The following RGS20 variants were observed in gnomAD, a reference collection of about 807,000 sequenced individuals.
RGS20 encodes the protein regulator of G protein signaling 20, also known as gz-selective GTPase-activating protein.
Under a neutral mutation model 33.6 loss-of-function variants are expected in RGS20, and 30 were observed. The ratio of observed to expected loss-of-function variants is 0.89; its 90% CI spans 0.67 to 1.21. The LOEUF (loss-of-function observed/expected upper bound fraction) is 1.21. RGS20 is among the 50% of genes most tolerant of loss of function. The pLI is 0.00. For missense variants in RGS20, 472 were observed against 502.4 expected (o/e 0.94, Z 0.58); for synonymous variants, 208 against 197.9 (o/e 1.05, Z -0.43).
At chr8:53,880,556 C>T (rs1397182589) in intron 2 of RGS20, among the ~76,000 whole-genome samples, 6 of 152,216 alleles carry the variant, frequency 3.9e-5, no homozygotes, top group East Asian at 1.9e-4. Flanking sequence ...CTTCCTCCCG[C>T]TCCCTTCATT....
At chr8:53,927,817 A>G (rs1439367048) in intron 2 of RGS20, among the ~76,000 whole-genome samples, 1 of 152,224 alleles carries the variant, frequency 6.6e-6, no homozygotes, top group African/African-American at 2.4e-5. Context: ...GAGAAGATGT[A>G]TGAAGCTGGT....
At chr8:53,944,944 A>T (rs1814428665) in intron 3 of RGS20, among the ~76,000 whole-genome samples, 1 of 152,224 alleles carries the variant, frequency 6.6e-6, no homozygotes, top group African/African-American at 2.4e-5. Context: ...ATGAAGCTAG[A>T]ATAAAAAAGA....
intron 2 of RGS20, among the ~76,000 whole-genome samples, chr8:53,911,489 A>G (rs1813344937): frequency 6.6e-6 from 1 of 152,228 alleles, no homozygotes; most frequent in African/African-American, 2.4e-5. Flanking sequence ...TAACATGTAC[A>G]AGTTTAATGC....
rs150037273 is a variant in RGS20, at chr8:53,912,144, A to G, written c.511-27432A>G. ...ACATAGCAAACATTTATTGAGTGCT[A>G]TGTGTTGCAAGCACATTTGAAGTGC... On this transcript the variant is annotated intron_variant, in intron 2 of 5. Transcript: ENST00000297313. Among the ~76,000 whole-genome samples the G allele has an allele frequency of 2.5e-4, 38 of 152,310 alleles. No homozygotes were observed. The East Asian group carries it at 5.8e-3, about 23-fold the overall frequency.
At chr8:53,885,626 G>A (rs904990422) in intron 2 of RGS20, among the ~76,000 whole-genome samples, 3 of 151,558 alleles carry the variant, frequency 2.0e-5, no homozygotes, top group African/African-American at 4.9e-5. Context: ...AAAAAAAAAT[G>A]AATTATACGG....
At chr8:53,879,231 G>A in intron 1 of RGS20, 1 of 1,594,648 alleles carries the variant, frequency 6.3e-7, no homozygotes, top group Non-Finnish European at 8.6e-7. Context: ...ACCGTATGCT[G>A]GTTTTGTTTC....
At chr8:53,908,134 A>G (rs909865990) in intron 2 of RGS20, among the ~76,000 whole-genome samples, 5 of 152,224 alleles carry the variant, frequency 3.3e-5, no homozygotes, top group African/African-American at 1.2e-4. Flanking sequence ...TGGAACAAAA[A>G]GATGGAAAAC....
chr8:53,948,501 T>C (rs1299225432), intron 4 of RGS20, among the ~76,000 whole-genome samples: 3 of 123,786 alleles, frequency 2.4e-5, no homozygotes, highest in Admixed American at 8.8e-5. Context: ...TGATACAGTA[T>C]ATATTTACAT....
chr8:53,886,842 T>A (rs961285707), intron 2 of RGS20, among the ~76,000 whole-genome samples: 1 of 152,236 alleles, frequency 6.6e-6, no homozygotes, highest in Non-Finnish European at 1.5e-5. Context: ...TCAACACTTA[T>A]ACAGCTGTTG....
rs142638400 is a variant in RGS20, at chr8:53,892,489, T to C, written c.510+12887T>C. Among the ~76,000 whole-genome samples, 1,189 of 152,364 alleles carry C rather than the reference T, an allele frequency of 7.8e-3. 12 individuals carry two copies. Among genetic ancestry groups the C allele is most frequent in the African/African-American group, 0.026 (1,081 of 41,586 alleles). On this transcript the variant is annotated intron_variant, in intron 2 of 5. Coordinates refer to ENST00000297313, the MANE Select transcript of RGS20 (RefSeq NM_170587.4). The stretch of plus-strand genomic sequence containing the variant: ...ACCATTTGACCCAGCCATCCCATTA[T>C]TGGGTATATACCCAAAGGACTATAA...
intron 1 of RGS20, among the ~76,000 whole-genome samples, chr8:53,852,689 C>T (rs1181519033): frequency 6.6e-6 from 1 of 152,098 alleles, no homozygotes; most frequent in Non-Finnish European, 1.5e-5. Context: ...ATAGAACCAT[C>T]TCATAAAAGG....
chr8:53,894,904 T>C (rs1179507405), intron 2 of RGS20, among the ~76,000 whole-genome samples: 2 of 152,212 alleles, frequency 1.3e-5, no homozygotes, highest in African/African-American at 2.4e-5. Flanking sequence ...GGATTTGCCA[T>C]TGAAGCCCAC....
intron 2 of RGS20, among the ~76,000 whole-genome samples, chr8:53,931,148 G>A (rs931432712): frequency 2.6e-5 from 4 of 152,188 alleles, no homozygotes; most frequent in East Asian, 1.9e-4. Context: ...CCCCAGCAGA[G>A]CACTGTGGGT....
intron 4 of RGS20, 39 bp downstream of exon 3, chr8:53,946,787 G>T (rs1386012902): frequency 1.3e-6 from 2 of 1,509,002 alleles, no homozygotes. Context: ...TAAACTAACA[G>T]AAATACTAAC....
chr8:53,874,766 C>G (rs1017764671), intron 1 of RGS20, among the ~76,000 whole-genome samples: 1 of 152,208 alleles, frequency 6.6e-6, no homozygotes, highest in Non-Finnish European at 1.5e-5. Flanking sequence ...GTGTGTATAT[C>G]TGTGTCGAAA....
rs1212329823 is a variant in RGS20 at position 53,914,280 on chromosome 8, C to T, written c.511-25296C>T. ...TCCTGGCCTCAAGTGATCCTCCCAC[C>T]TTGGCCTCCCAAGGAGCTGGGATTA... On this transcript the variant is annotated intron_variant, in intron 2 of 5. Transcript: ENST00000297313. Among the ~76,000 whole-genome samples the T allele has an allele frequency of 3.9e-5, 6 of 152,320 alleles. No individual in the cohort carries two copies. The East Asian group carries it at 7.7e-4, about 20-fold the overall frequency.
At chr8:53,876,888 A>T (rs1410487649) in intron 1 of RGS20, among the ~76,000 whole-genome samples, 1 of 152,102 alleles carries the variant, frequency 6.6e-6, no homozygotes, top group East Asian at 1.9e-4. Flanking sequence ...CATTTCCACC[A>T]CTTGCCTCAC....
intron 1 of RGS20, among the ~76,000 whole-genome samples, chr8:53,860,969 A>C (rs1258994313): frequency 6.8e-6 from 1 of 147,536 alleles, no homozygotes; most frequent in Non-Finnish European, 1.5e-5. Flanking sequence ...CCTGTCTCCA[A>C]AAAAAAAAAA....
intron 2 of RGS20, among the ~76,000 whole-genome samples, chr8:53,882,679 T>A (rs1312522184): frequency 6.8e-6 from 1 of 147,978 alleles, no homozygotes; most frequent in Non-Finnish European, 1.5e-5. Flanking sequence ...AGCCTATCGC[T>A]CTTTGTCGAA....
Sources: gnomAD v4.1 joint callset for allele counts (sites outside exome capture counted in the v4.1 genomes callset) on GRCh38, gnomAD v4.1.1 for gene constraint, MANE v1.5 for transcripts, NCBI Gene and HGNC (gene_info 2026-07-23, HGNC 2026-07-21) for gene names.